Variants in SLC9A9 observed in about 807,000 individuals in gnomAD.
SLC9A9 encodes the protein sodium/hydrogen exchanger 9.
A neutral mutation model predicts 77.8 loss-of-function variants in SLC9A9; 62 were observed. The ratio of observed to expected loss-of-function variants is 0.80; its 90% CI spans 0.65 to 0.98. The LOEUF is 0.98. SLC9A9 is among the 50% of genes least tolerant of loss of function. SLC9A9 has a pLI of 0.00. For missense variants in SLC9A9, 775 were observed against 774.9 expected, an observed-to-expected ratio of 1.00 and a Z score of 0.00; for synonymous variants, 320 against 283.5, an observed-to-expected ratio of 1.13 and a Z score of -1.29.
chr3:143,462,665 A>G (rs1447397854), intron 12 of SLC9A9, among the ~76,000 whole-genome samples: 2 of 152,338 alleles, frequency 1.3e-5, no homozygotes, highest in East Asian at 3.9e-4. Context: ...GAAAACCTGC[A>G]CTGAAGAATT....
Position 143,316,813 on chromosome 3 carries a change from G to A in SLC9A9, c.1604+46671C>T, listed in dbSNP as rs115283154. ...CAAATTCATACTGAGCACTTAAGACGTTTTACCAGGGTTACTGCATTTGAT... is the reference window on the plus strand; with the variant it reads ...CAAATTCATACTGAGCACTTAAGACATTTTACCAGGGTTACTGCATTTGAT... On this transcript the variant is annotated intron_variant, in intron 14 of 15. Transcript: ENST00000316549. 5.4e-3 allele frequency among the ~76,000 whole-genome samples: 826 copies of A among 152,216 alleles called. 8 individuals carry two copies. The highest frequency in any genetic ancestry group is 0.019 in the African/African-American group (789 of 41,504).
intron 12 of SLC9A9, among the ~76,000 whole-genome samples, chr3:143,456,995 G>T (rs1030031542): frequency 3.3e-5 from 5 of 152,102 alleles, no homozygotes; most frequent in Non-Finnish European, 7.4e-5. Context: ...ATTGTTTGTA[G>T]TATTCCCTTA....
intron 14 of SLC9A9, among the ~76,000 whole-genome samples, chr3:143,282,622 G>T (rs1375710991): frequency 6.6e-6 from 1 of 152,136 alleles, no homozygotes. Context: ...TGCCCTTTCT[G>T]CCTTCCTGTC....
intron 12 of SLC9A9, among the ~76,000 whole-genome samples, chr3:143,404,607 C>T (rs1025024212): frequency 6.6e-6 from 1 of 152,224 alleles, no homozygotes; most frequent in Admixed American, 6.5e-5. Context: ...TTTTTTCCCC[C>T]TCTTTATTCC....
intron 14 of SLC9A9, among the ~76,000 whole-genome samples, chr3:143,294,704 A>G (rs182324630): frequency 4.3e-4 from 66 of 152,276 alleles, no homozygotes; most frequent in Non-Finnish European, 5.7e-4. Context: ...TTTAAATCTT[A>G]CTTCCACTGA....
chr3:143,646,721 G>A (rs2038713253), intron 6 of SLC9A9, among the ~76,000 whole-genome samples: 1 of 152,032 alleles, frequency 6.6e-6, no homozygotes, highest in African/African-American at 2.4e-5. Context: ...CAAAATTGCT[G>A]GATCAAATGA....
chr3:143,501,087 C>G (rs2035915517), intron 9 of SLC9A9, among the ~76,000 whole-genome samples: 1 of 150,380 alleles, frequency 6.6e-6, no homozygotes, highest in Non-Finnish European at 1.5e-5. Context: ...AATAAGTCAT[C>G]AGTAATTTTG....
intron 13 of SLC9A9, among the ~76,000 whole-genome samples, chr3:143,366,447 C>T (rs1180017487): frequency 6.6e-6 from 1 of 152,174 alleles, no homozygotes; most frequent in African/African-American, 2.4e-5. Flanking sequence ...TGTTTTTCTG[C>T]AAGTATCTAA....
chr3:143,660,890 G>A (rs367895052), intron 5 of SLC9A9, among the ~76,000 whole-genome samples: 5 of 152,142 alleles, frequency 3.3e-5, no homozygotes, highest in South Asian at 2.1e-4. Flanking sequence ...GACCAATGAC[G>A]AGGCTGTAGA....
At chr3:143,269,620 T>C (rs1578250714) in intron 14 of SLC9A9, among the ~76,000 whole-genome samples, 1 of 152,330 alleles carries the variant, frequency 6.6e-6, no homozygotes, top group East Asian at 1.9e-4. Flanking sequence ...TCTAAAGCCA[T>C]TGTTTCCTCC....
At chr3:143,318,147 T>G (rs2031290527) in intron 14 of SLC9A9, among the ~76,000 whole-genome samples, 1 of 152,180 alleles carries the variant, frequency 6.6e-6, no homozygotes, top group African/African-American at 2.4e-5. Flanking sequence ...GTCTTTTTAT[T>G]TTTACTATTT....
intron 12 of SLC9A9, among the ~76,000 whole-genome samples, chr3:143,418,069 AAAAGTTGGCATACAAATCT>A (rs2034229999): frequency 6.6e-6 from 1 of 151,188 alleles, no homozygotes; most frequent in African/African-American, 2.4e-5. Context: ...AATCTATGTC[AAAAGTTGGCATACAAATCT>A]CTGGACCAGA....
rs2038472735 is a variant in SLC9A9 at position 143,634,143 on chromosome 3, C to T, written c.755+18112G>A. On this transcript the variant is annotated intron_variant, in intron 6 of 15. Coordinates refer to ENST00000316549, the MANE Select transcript of SLC9A9 (RefSeq NM_173653.4). ...TTTCTGCCTATGTGCTCCCATAATCCTTTCTTTAAGCTTGAAATTCAGTAA... is the reference window on the plus strand; with the variant it reads ...TTTCTGCCTATGTGCTCCCATAATCTTTTCTTTAAGCTTGAAATTCAGTAA... Among the ~76,000 whole-genome samples, 3 of 147,966 alleles carry T rather than the reference C, an allele frequency of 2.0e-5. No individual in the cohort carries two copies. The South Asian group carries it at 6.2e-4, about 31-fold the overall frequency.
At chr3:143,399,142 A>G (rs1018731019) in intron 12 of SLC9A9, among the ~76,000 whole-genome samples, 3 of 152,164 alleles carry the variant, frequency 2.0e-5, no homozygotes, top group African/African-American at 7.2e-5. Flanking sequence ...ATAATGCATT[A>G]TCTTGTTTTT....
intron 14 of SLC9A9, among the ~76,000 whole-genome samples, chr3:143,343,083 T>G (rs909762998): frequency 6.6e-6 from 1 of 152,250 alleles, no homozygotes; most frequent in African/African-American, 2.4e-5. Context: ...TTTGTTTATT[T>G]CTTTATTCAC....
chr3:143,826,258 TGA>T (rs1559816456), intron 2 of SLC9A9, among the ~76,000 whole-genome samples: 2 of 124,158 alleles, frequency 1.6e-5, no homozygotes, highest in South Asian at 2.4e-4. Context: ...GACTCTGTCT[TGA>T]AAAAAAAAAA....
chr3:143,492,275 G>A (rs1295787778), intron 11 of SLC9A9, among the ~76,000 whole-genome samples: 2 of 141,736 alleles, frequency 1.4e-5, no homozygotes, highest in African/African-American at 5.3e-5. Context: ...CTGGGCGACA[G>A]AGCGAGACTC....
chr3:143,623,913 TA>T (rs1411734660), intron 6 of SLC9A9, among the ~76,000 whole-genome samples: 2 of 151,762 alleles, frequency 1.3e-5, no homozygotes, highest in African/African-American at 4.8e-5. Context: ...ATAGACGCAA[TA>T]AAAAATGATA....
chr3:143,673,613 T>G (rs1409224020), intron 5 of SLC9A9, among the ~76,000 whole-genome samples: 1 of 151,960 alleles, frequency 6.6e-6, no homozygotes, highest in African/African-American at 2.4e-5. Flanking sequence ...AAGACCATAC[T>G]TATTAATTAT....
Sources: allele counts gnomAD v4.1 joint callset (sites outside exome capture counted in the v4.1 genomes callset), GRCh38; gene constraint gnomAD v4.1.1; transcripts MANE v1.5; gene names NCBI Gene and HGNC (gene_info 2026-07-23, HGNC 2026-07-21).